MDFI: variants seen among roughly 807,000 people sequenced by gnomAD.
The protein encoded by MDFI is MyoD family inhibitor.
In MDFI, 16 loss-of-function variants were observed where a neutral mutation model predicts 22.3. The ratio of observed to expected loss-of-function variants is 0.72; its 90% CI spans 0.49 to 1.09. The LOEUF is 1.09. Among genes scored for constraint, MDFI ranks in the 50% least tolerant of loss-of-function variants. The probability of loss-of-function intolerance (pLI) is 0.00; values close to 1 mark genes in which losing one functional copy is unlikely to be tolerated. For synonymous variants in MDFI, 145 were observed against 142.7 expected (o/e 1.02, Z -0.12); for missense variants, 314 against 326.1 (o/e 0.96, Z 0.29).
Position 41,653,222 on chromosome 6 carries a change from TGCTGCC to T in MDFI, c.485-88_485-83del. 7.9e-7 allele frequency: 1 copy of T among 1,266,666 alleles called. No homozygotes were observed. Among genetic ancestry groups the T allele is most frequent in the Non-Finnish European group, 1.1e-6 (1 of 891,540 alleles). The allele number at this position is 1,266,666 out of a possible 1,614,324, so 78.5% of individuals were successfully genotyped here. On this transcript the variant is annotated intron_variant, in intron 4 of 4. Transcript: ENST00000230321. This position sits in a 1 kb window ranked among gnomAD's most constrained non-coding sequence, Gnocchi z 4.2. ...CACAGTGAACACTCAGCGTCCCTGCTGCTGCCGCTGCCGCAGGCCCCCACACCCCCG... is the reference window on the plus strand; with the variant it reads ...CACAGTGAACACTCAGCGTCCCTGCTGCTGCCGCAGGCCCCCACACCCCCG...
At chr6:41,642,080 C>T (rs1001848649) in intron 2 of MDFI, among the ~76,000 whole-genome samples, 1 of 152,160 alleles carries the variant, frequency 6.6e-6, no homozygotes, top group Admixed American at 6.5e-5. Flanking sequence ...GTTGCCTTTC[C>T]GTATCTCCCC....
intron 2 of MDFI, among the ~76,000 whole-genome samples, chr6:41,643,204 G>C (rs1193166709): frequency 6.6e-6 from 1 of 152,132 alleles, no homozygotes; most frequent in Non-Finnish European, 1.5e-5. Context: ...CGGGGGTCTT[G>C]ATTCCTGCTG....
upstream of MDFI, chr6:41,638,025 C>T (rs1015145423): frequency 6.6e-6 from 1 of 152,238 alleles, no homozygotes; most frequent in Non-Finnish European, 1.5e-5. The surrounding 1 kb of genome is among the most constrained non-coding windows in gnomAD (Gnocchi z 7.6). Context: ...GTGGGTAAAA[C>T]GTGACTGAGA....
chr6:41,637,054 C>G (rs1767668762), upstream of MDFI: 1 of 152,254 alleles, frequency 6.6e-6, no homozygotes, highest in Non-Finnish European at 1.5e-5. This position sits in a 1 kb window ranked among gnomAD's most constrained non-coding sequence, Gnocchi z 6.8. Flanking sequence ...GGACAGCAGC[C>G]GGATCCCGGC....
Position 41,653,250 on chromosome 6 carries a change from C to G in MDFI, c.485-69C>G. The G allele has an allele frequency of 6.5e-7, 1 of 1,541,572 alleles. No homozygotes were observed. Among genetic ancestry groups the G allele is most frequent in the Non-Finnish European group, 8.8e-7 (1 of 1,132,482 alleles). On this transcript the variant is annotated intron_variant, in intron 4 of 4. Transcript: ENST00000230321. This position sits in a 1 kb window ranked among gnomAD's most constrained non-coding sequence, Gnocchi z 4.2. ...TGCCGCTGCCGCAGGCCCCCACACC[C>G]CCGGCTATTTCACACACGCTCATCC... is the stretch of plus-strand genomic sequence containing the variant.
chr6:41,653,819 A>G lies in MDFI; in HGVS notation c.*244A>G, dbSNP rs1768379001. Reference sequence around the variant, plus strand: ...AGAAGCCTGAACTCTTTACTGGGTTACCAGGTTCATACATTGCTGAGGACC... The same window carrying G: ...AGAAGCCTGAACTCTTTACTGGGTTGCCAGGTTCATACATTGCTGAGGACC... On this transcript the variant is annotated 3_prime_UTR_variant, in exon 5 of 5. Coordinates refer to ENST00000230321, the MANE Select transcript of MDFI (RefSeq NM_005586.4). The surrounding 1 kb of genome is among the most constrained non-coding windows in gnomAD (Gnocchi z 4.2). The G allele has an allele frequency of 1.7e-6, 1 of 581,760 alleles. No homozygotes were observed. The highest frequency in any genetic ancestry group is 3.1e-6 in the Non-Finnish European group (1 of 327,394). 36.0% of individuals were successfully genotyped at this position (581,760 alleles called of 1,614,324 possible). A position where few individuals can be genotyped will look rare whatever the true frequency, so the allele number is the denominator to read the frequency against.
At chr6:41,639,818 T>G in intron 2 of MDFI, 1 of 985,444 alleles carries the variant, frequency 1.0e-6, no homozygotes. Context: ...TGCCTTGCCT[T>G]GGACAAGCTC....
Position 41,649,604 on chromosome 6 carries a change from T to C in MDFI, c.260-15T>C, listed in dbSNP as rs992559699. The C allele has an allele frequency of 3.2e-6, 5 of 1,557,062 alleles. No individual in the cohort carries two copies. The highest frequency in any genetic ancestry group is 4.3e-6 in the Non-Finnish European group (5 of 1,149,862). ...CCCACCCTTTTCCCATCACACTTTC[T>C]CTTCATCTCTCCAGGCCAGCCTCAG... On this transcript the variant is annotated splice_polypyrimidine_tract_variant and intron_variant, in intron 3 of 4. Coordinates refer to ENST00000230321, the MANE Select transcript of MDFI (RefSeq NM_005586.4).
At chr6:41,650,563 A>G (rs776004369) in intron 4 of MDFI, among the ~76,000 whole-genome samples, 28 of 143,252 alleles carry the variant, frequency 2.0e-4, no homozygotes, top group Middle Eastern at 3.6e-3. Flanking sequence ...TCTGCCCAAC[A>G]GTCTTTTTCC....
chr6:41,640,534 A>G (rs1767815288), intron 2 of MDFI, among the ~76,000 whole-genome samples: 1 of 152,202 alleles, frequency 6.6e-6, no homozygotes, highest in Non-Finnish European at 1.5e-5. Flanking sequence ...CCGCCTTGGG[A>G]GAATGAGCCT....
intron 2 of MDFI, among the ~76,000 whole-genome samples, chr6:41,641,096 G>T (rs1393002717): frequency 6.6e-6 from 1 of 152,138 alleles, no homozygotes; most frequent in Admixed American, 6.5e-5. Flanking sequence ...CTTTCTTGGG[G>T]TTCAGGTCCA....
rs796428522 is a variant in MDFI at position 41,638,553 on chromosome 6, G to T, written c.-111G>T. The stretch of plus-strand genomic sequence containing the variant: ...GGGAAGGGGCGCCAGGCGAGCACCC[G>T]GGAGCCAGCGGGACCTGGGCAGGGG... On this transcript the variant is annotated 5_prime_UTR_variant, in exon 1 of 5. Transcript: ENST00000230321. The surrounding 1 kb of genome is among the most constrained non-coding windows in gnomAD (Gnocchi z 7.6). The T allele has an allele frequency of 1.1e-5, 6 of 561,360 alleles. No individual in the cohort carries two copies. The highest frequency in any genetic ancestry group is 1.8e-5 in the Non-Finnish European group (6 of 328,066). 34.8% of individuals were successfully genotyped at this position (561,360 alleles called of 1,614,324 possible).
chr6:41,638,275 G>A (rs543326076), upstream of MDFI: 474 of 160,302 alleles, frequency 3.0e-3, 1 homozygote, highest in African/African-American at 0.011. This position sits in a 1 kb window ranked among gnomAD's most constrained non-coding sequence, Gnocchi z 7.6. Context: ...GGCTTCCTGT[G>A]GGGGCTCGGG....
Position 41,653,298 on chromosome 6 carries a change from C to A in MDFI, c.485-21C>A, listed in dbSNP as rs1472045293. The stretch of plus-strand genomic sequence containing the variant: ...TCCCTCCCCTCTCTCACCCGTCCCC[C>A]TCTCCACCGCCACCCCGCAGACTGC... On this transcript the variant is annotated intron_variant, in intron 4 of 4. Coordinates refer to ENST00000230321, the MANE Select transcript of MDFI (RefSeq NM_005586.4). The surrounding 1 kb of genome is among the most constrained non-coding windows in gnomAD (Gnocchi z 4.2). 6.2e-7 allele frequency: 1 copy of A among 1,603,910 alleles called. No homozygotes were observed. The highest frequency in any genetic ancestry group is 1.7e-5 in the Admixed American group (1 of 59,914).
At chr6:41,648,467 C>T (rs571448300) in intron 3 of MDFI, among the ~76,000 whole-genome samples, 3 of 152,198 alleles carry the variant, frequency 2.0e-5, no homozygotes, top group South Asian at 2.1e-4. Context: ...AAGACCCGGC[C>T]TCTTCAGCCA....
chr6:41,653,336 A>G lies in MDFI; in HGVS notation c.502A>G (p.Ile168Val), dbSNP rs1768352465. The G allele has an allele frequency of 3.1e-6, 5 of 1,612,190 alleles. No homozygotes were observed. In the South Asian group the frequency reaches 3.3e-5, roughly 11 times the overall value. The change falls in exon 5 of 5, where the codon ATC (isoleucine) becomes GTC (valine). Residue 168 changes from isoleucine (I) to valine (V), a missense_variant. Coordinates refer to ENST00000230321, the MANE Select transcript of MDFI (RefSeq NM_005586.4). This position sits in a 1 kb window ranked among gnomAD's most constrained non-coding sequence, Gnocchi z 4.2. ...QAQEDCCVHC[I>V]LSCLFCEFLT... is the part of the protein sequence containing the mutation. ...CCCCGCAGACTGCTGTGTCCACTGC[A>G]TCCTGTCCTGCCTGTTCTGCGAGTT...
chr6:41,638,122 T>C (rs1767702121), upstream of MDFI: 1 of 142,764 alleles, frequency 7.0e-6, no homozygotes, highest in Non-Finnish European at 1.6e-5. The surrounding 1 kb of genome is among the most constrained non-coding windows in gnomAD (Gnocchi z 7.6). Flanking sequence ...GGTTTCTCTC[T>C]TTCTCCTGAT....
At chr6:41,641,736 C>T (rs142566672) in intron 2 of MDFI, among the ~76,000 whole-genome samples, 261 of 152,254 alleles carry the variant, frequency 1.7e-3, no homozygotes, top group African/African-American at 5.9e-3. Context: ...GGCAGTAGGC[C>T]GTGGAGCTCT....
upstream of MDFI, chr6:41,637,254 C>T (rs774297978): frequency 7.9e-5 from 12 of 152,020 alleles, no homozygotes; most frequent in Admixed American, 2.6e-4. This position sits in a 1 kb window ranked among gnomAD's most constrained non-coding sequence, Gnocchi z 6.8. Flanking sequence ...CCCGACGGCG[C>T]CCCAGGACCT....
Sources: allele counts gnomAD v4.1 joint callset (sites outside exome capture counted in the v4.1 genomes callset), GRCh38; gene constraint gnomAD v4.1.1; non-coding constraint Gnocchi (gnomAD v3.1); transcripts MANE v1.5; gene names NCBI Gene and HGNC (gene_info 2026-07-23, HGNC 2026-07-21).